DLGAP1: variants seen among roughly 807,000 people sequenced by gnomAD.
The protein encoded by DLGAP1 is disks large-associated protein 1.
In DLGAP1, 11 loss-of-function variants were observed where a neutral mutation model predicts 90.8. The ratio of observed to expected loss-of-function variants is 0.12; its 90% confidence interval spans 0.08 to 0.20. The LOEUF is 0.20. Among genes scored for constraint, DLGAP1 ranks in the 10% least tolerant of loss-of-function variants. The pLI, the probability that DLGAP1 is intolerant of heterozygous loss-of-function variation, is 1.00. For missense variants in DLGAP1, 1,050 were observed against 1,333.8 expected, an observed-to-expected ratio of 0.79 and a Z score of 3.31; for synonymous variants, 558 against 540.7, an observed-to-expected ratio of 1.03 and a Z score of -0.44.
chr18:4,151,546 A>G (rs2076675082), intron 1 of DLGAP1, among the ~76,000 whole-genome samples: 1 of 152,216 alleles, frequency 6.6e-6, no homozygotes, highest in Non-Finnish European at 1.5e-5. Context: ...TACAATATAC[A>G]TTTCCTATCA....
rs192316076 is a variant in DLGAP1, at chr18:4,116,842, A to G, written c.-159+34338T>C. 6.6e-5 allele frequency among the ~76,000 whole-genome samples: 10 copies of G among 152,326 alleles called. No homozygotes were observed. The East Asian group carries it at 1.7e-3, about 26-fold the overall frequency. On this transcript the variant is annotated intron_variant, in intron 2 of 12. Transcript: ENST00000315677. ...GATGTCATTGTCTGCTAAGTCAATTATTTAGGCTCCTTCAAAAGCAGTTTC... is the reference window on the plus strand; with the variant it reads ...GATGTCATTGTCTGCTAAGTCAATTGTTTAGGCTCCTTCAAAAGCAGTTTC...
chr18:3,935,784 G>A (rs772383377), intron 3 of DLGAP1, among the ~76,000 whole-genome samples: 44 of 152,174 alleles, frequency 2.9e-4, no homozygotes, highest in Admixed American at 9.8e-4. Context: ...GTTGATAACC[G>A]GCCTAGGGTA....
intron 7 of DLGAP1, among the ~76,000 whole-genome samples, chr18:3,657,913 T>C (rs930174992): frequency 2.0e-5 from 3 of 152,186 alleles, no homozygotes; most frequent in African/African-American, 4.8e-5. Context: ...TCCCATGGAA[T>C]TCTTTTGTTC....
At position 4,187,787 on chromosome 18, in the gene DLGAP1, C is replaced by G. The variant is rs895095478; in HGVS notation, c.-266-36500G>C. Among the ~76,000 whole-genome samples, 15 of 152,184 alleles carry G rather than the reference C, an allele frequency of 9.9e-5. No homozygotes were observed. In the South Asian group the frequency reaches 1.2e-3, roughly 13 times the overall value. On this transcript the variant is annotated intron_variant, in intron 1 of 12. Transcript: ENST00000315677. ...CTGAGGTAGGTGGATCGCCTGAGGT[C>G]AGGAGTTTGAGATCAGCCTGGTCAA...
intron 7 of DLGAP1, among the ~76,000 whole-genome samples, chr18:3,586,004 C>CT (rs2055861234): frequency 6.6e-6 from 1 of 152,158 alleles, no homozygotes; most frequent in Non-Finnish European, 1.5e-5. Context: ...TGCAATTGGA[C>CT]GCCACCTGGT....
intron 1 of DLGAP1, among the ~76,000 whole-genome samples, chr18:4,270,110 G>T (rs2079241585): frequency 6.6e-6 from 1 of 152,160 alleles, no homozygotes; most frequent in Non-Finnish European, 1.5e-5. Context: ...TCTTATTAAA[G>T]AACCGGATCT....
intron 3 of DLGAP1, among the ~76,000 whole-genome samples, chr18:3,916,342 A>G (rs889476797): frequency 3.9e-5 from 6 of 152,276 alleles, no homozygotes; most frequent in South Asian, 2.1e-4. Context: ...TGCAATCCCA[A>G]TCTGCACCAA....
chr18:3,999,853 C>T (rs1865129086), intron 3 of DLGAP1, among the ~76,000 whole-genome samples: 1 of 152,146 alleles, frequency 6.6e-6, no homozygotes, highest in Non-Finnish European at 1.5e-5. Context: ...GCTCTGTCAT[C>T]TAGGCTAAAG....
At chr18:3,906,908 A>C (rs1207381201) in intron 3 of DLGAP1, among the ~76,000 whole-genome samples, 1 of 152,244 alleles carries the variant, frequency 6.6e-6, no homozygotes, top group Non-Finnish European at 1.5e-5. Flanking sequence ...TTCTTCAAGA[A>C]AACATTAGCG....
At chr18:3,573,180 T>C (rs951699679) in intron 8 of DLGAP1, among the ~76,000 whole-genome samples, 1 of 152,182 alleles carries the variant, frequency 6.6e-6, no homozygotes, top group African/African-American at 2.4e-5. Flanking sequence ...ATTTAGGTAT[T>C]AGAGTTATGC....
chr18:4,169,896 A>T (rs954107571), intron 1 of DLGAP1, among the ~76,000 whole-genome samples: 2 of 152,196 alleles, frequency 1.3e-5, no homozygotes, highest in Non-Finnish European at 2.9e-5. Flanking sequence ...TCCTTGCTCC[A>T]TCATTCATAG....
intron 2 of DLGAP1, among the ~76,000 whole-genome samples, chr18:4,108,145 A>G (rs1413560241): frequency 2.6e-5 from 4 of 152,138 alleles, no homozygotes; most frequent in Admixed American, 2.6e-4. Flanking sequence ...TTCTTCCCTG[A>G]AGTAGGTCAT....
At chr18:3,664,183 T>TACACACACAC (rs35653599) in intron 7 of DLGAP1, among the ~76,000 whole-genome samples, 21 of 135,662 alleles carry the variant, frequency 1.5e-4, no homozygotes, top group African/African-American at 5.5e-4. Flanking sequence ...TGGGTCAGTA[T>TACACACACAC]ACACACACAC....
chr18:3,499,769 A>C lies in DLGAP1; in HGVS notation c.2725-375T>G, dbSNP rs238112. Reference sequence around the variant, plus strand: ...AGATGGGCCAGGAAGCAGCGGCTGCAGCAGCATCTTAGAACCCCTGCATCC... The same window carrying C: ...AGATGGGCCAGGAAGCAGCGGCTGCCGCAGCATCTTAGAACCCCTGCATCC... On this transcript the variant is annotated intron_variant, in intron 12 of 12. Transcript: ENST00000315677. This position sits in a 1 kb window ranked among gnomAD's most constrained non-coding sequence, Gnocchi z 6.4. Among the ~76,000 whole-genome samples the C allele has an allele frequency of 2.0e-5, 3 of 151,938 alleles. No individual in the cohort carries two copies. Among genetic ancestry groups the C allele is most frequent in the African/African-American group, 7.2e-5 (3 of 41,396 alleles).
chr18:3,591,552 GC>G (rs1285079598), intron 7 of DLGAP1, among the ~76,000 whole-genome samples: 1 of 151,576 alleles, frequency 6.6e-6, no homozygotes, highest in African/African-American at 2.4e-5. Flanking sequence ...GTAGAATCCT[GC>G]CCCAGCCTTC....
chr18:3,599,444 G>C (rs1181301961), intron 7 of DLGAP1, among the ~76,000 whole-genome samples: 1 of 152,204 alleles, frequency 6.6e-6, no homozygotes, highest in African/African-American at 2.4e-5. Flanking sequence ...AGTTTGGCTA[G>C]TGGCTTTTAG....
At chr18:4,395,097 TC>T (rs2144472126) in intron 1 of DLGAP1, among the ~76,000 whole-genome samples, 1 of 152,368 alleles carries the variant, frequency 6.6e-6, no homozygotes, top group East Asian at 1.9e-4. Flanking sequence ...TTTCAGACTT[TC>T]CTTTGAGTTT....
chr18:3,841,552 GA>G (rs1417922915), intron 4 of DLGAP1, among the ~76,000 whole-genome samples: 1 of 152,104 alleles, frequency 6.6e-6, no homozygotes, highest in Admixed American at 6.5e-5. Context: ...GTGGAAAATA[GA>G]AAGAACTGGT....
chr18:4,175,642 C>A (rs2077095111), intron 1 of DLGAP1, among the ~76,000 whole-genome samples: 1 of 152,198 alleles, frequency 6.6e-6, no homozygotes, highest in African/African-American at 2.4e-5. Context: ...ATATGACTTG[C>A]CAGTTTTCCC....
Sources: allele counts gnomAD v4.1 joint callset (sites outside exome capture counted in the v4.1 genomes callset), GRCh38; gene constraint gnomAD v4.1.1; non-coding constraint Gnocchi (gnomAD v3.1); transcripts MANE v1.5; gene names NCBI Gene and HGNC (gene_info 2026-07-23, HGNC 2026-07-21).